Variants in DNM3 observed in about 807,000 individuals in gnomAD.
DNM3 encodes dynamin-3.
DNM3 carries 47 observed loss-of-function variants against 101.6 expected under a neutral mutation model. That is an observed-to-expected ratio of 0.46 (90% CI 0.37 to 0.59). The LOEUF (loss-of-function observed/expected upper bound fraction) is 0.59, where lower values mean the gene tolerates loss of function less well. Ranked by LOEUF, DNM3 falls within the 20% of genes least tolerant of loss-of-function variation. DNM3 has a pLI of 0.00. For missense variants in DNM3, 849 were observed against 1,085.7 expected, an observed-to-expected ratio of 0.78 and a Z score of 3.06; for synonymous variants, 385 against 387.9, an observed-to-expected ratio of 0.99 and a Z score of 0.09.
At chr1:172,324,501 A>G (rs539473724) in intron 17 of DNM3, among the ~76,000 whole-genome samples, 28 of 152,314 alleles carry the variant, frequency 1.8e-4, no homozygotes, top group African/African-American at 6.3e-4. Context: ...AATATATAAT[A>G]AAGTATTACC....
intron 14 of DNM3, chr1:172,136,840 A>G (rs2057258671): frequency 6.6e-6 from 1 of 152,160 alleles, no homozygotes. Context: ...ACCCTTTCCC[A>G]GAAGAGAAAA....
intron 14 of DNM3, among the ~76,000 whole-genome samples, chr1:172,189,220 G>C (rs2059622257): frequency 6.6e-6 from 1 of 151,898 alleles, no homozygotes; most frequent in Non-Finnish European, 1.5e-5. Flanking sequence ...TGATCTGTTT[G>C]CCTAGTTTTT....
At chr1:172,110,885 A>G (rs1195223704) in intron 13 of DNM3, among the ~76,000 whole-genome samples, 1 of 152,102 alleles carries the variant, frequency 6.6e-6, no homozygotes, top group Non-Finnish European at 1.5e-5. Context: ...AAGATACAAA[A>G]ATTAGCTGGA....
intron 4 of DNM3, among the ~76,000 whole-genome samples, chr1:172,027,442 G>A (rs904814655): frequency 6.6e-6 from 1 of 152,026 alleles, no homozygotes; most frequent in Non-Finnish European, 1.5e-5. Flanking sequence ...TTAGCTGGGC[G>A]TGGTGGCATG....
At chr1:171,860,579 C>T (rs1211246006) in intron 1 of DNM3, among the ~76,000 whole-genome samples, 1 of 151,904 alleles carries the variant, frequency 6.6e-6, no homozygotes, top group Non-Finnish European at 1.5e-5. Flanking sequence ...TTACATGGCT[C>T]ATATTATATT....
At chr1:172,291,381 T>C (rs10911504) in intron 15 of DNM3, among the ~76,000 whole-genome samples, 30,635 of 152,024 alleles carry the variant, frequency 0.2, 3,133 homozygotes, top group East Asian at 0.24. Context: ...ATAAAAGGAA[T>C]GAACACAGGG....
intron 1 of DNM3, among the ~76,000 whole-genome samples, chr1:171,867,070 G>T (rs2034824938): frequency 6.6e-6 from 1 of 152,234 alleles, no homozygotes; most frequent in African/African-American, 2.4e-5. Context: ...CACACATGGA[G>T]TTCAGCCTTT....
chr1:172,314,820 A>G (rs1277684319), intron 16 of DNM3, among the ~76,000 whole-genome samples: 1 of 152,206 alleles, frequency 6.6e-6, no homozygotes, highest in Non-Finnish European at 1.5e-5. Flanking sequence ...GGGCACAGAC[A>G]AACAAAAAGA....
At chr1:172,050,655 G>A (rs2050142883) in intron 10 of DNM3, among the ~76,000 whole-genome samples, 1 of 152,114 alleles carries the variant, frequency 6.6e-6, no homozygotes, top group Non-Finnish European at 1.5e-5. Flanking sequence ...GGATAGGTTT[G>A]GCATTCAAAT....
chr1:171,861,079 A>G (rs938473482), intron 1 of DNM3, among the ~76,000 whole-genome samples: 8 of 152,186 alleles, frequency 5.3e-5, no homozygotes, highest in African/African-American at 1.9e-4. Flanking sequence ...ACTATACAAC[A>G]TCATTGAAAG....
At chr1:171,956,654 G>T (rs562507764) in intron 2 of DNM3, among the ~76,000 whole-genome samples, 1 of 152,282 alleles carries the variant, frequency 6.6e-6, no homozygotes, top group African/African-American at 2.4e-5. Flanking sequence ...ACTAGGCAGT[G>T]CCCCAGTAAG....
intron 14 of DNM3, among the ~76,000 whole-genome samples, chr1:172,226,852 A>C (rs914867745): frequency 2.6e-5 from 4 of 152,186 alleles, no homozygotes; most frequent in Admixed American, 2.6e-4. Context: ...ACTAAAAATT[A>C]AAAATGGATT....
intron 13 of DNM3, among the ~76,000 whole-genome samples, chr1:172,105,827 T>C (rs556797398): frequency 6.6e-6 from 1 of 152,300 alleles, no homozygotes; most frequent in East Asian, 1.9e-4. Context: ...GAAATACTCA[T>C]GTTGTAATTT....
chr1:171,978,790 G>A (rs940607227), intron 2 of DNM3, among the ~76,000 whole-genome samples: 3 of 152,110 alleles, frequency 2.0e-5, no homozygotes, highest in African/African-American at 7.2e-5. Context: ...TGGCCATAGT[G>A]GAGGCAGTGA....
intron 2 of DNM3, among the ~76,000 whole-genome samples, chr1:171,947,848 C>T (rs572723636): frequency 2.0e-5 from 3 of 152,282 alleles, no homozygotes; most frequent in South Asian, 4.1e-4. Flanking sequence ...TGTTTAATAT[C>T]GCAAAGGTCT....
intron 9 of DNM3, among the ~76,000 whole-genome samples, chr1:172,045,535 C>T (rs1313515084): frequency 6.6e-6 from 1 of 152,142 alleles, no homozygotes; most frequent in African/African-American, 2.4e-5. Flanking sequence ...CTACCTCCTA[C>T]TACCATCACA....
chr1:171,929,616 C>G (rs569821288), intron 2 of DNM3, among the ~76,000 whole-genome samples: 3 of 151,724 alleles, frequency 2.0e-5, no homozygotes, highest in East Asian at 2.0e-4. Context: ...GCTTCCACCC[C>G]TAGTCAGCTT....
At chr1:172,158,577 A>G (rs1425341867) in intron 14 of DNM3, among the ~76,000 whole-genome samples, 1 of 151,988 alleles carries the variant, frequency 6.6e-6, no homozygotes, top group Non-Finnish European at 1.5e-5. Flanking sequence ...GAGGCCTTGA[A>G]ACCTAGGCAG....
chr1:171,909,451 A>G (rs1485445095), intron 1 of DNM3, among the ~76,000 whole-genome samples: 2 of 152,038 alleles, frequency 1.3e-5, no homozygotes, highest in Non-Finnish European at 2.9e-5. Flanking sequence ...AAAAAAAAAA[A>G]AAAAGTCAGA....
Sources: gnomAD v4.1 joint callset for allele counts (sites outside exome capture counted in the v4.1 genomes callset) on GRCh38, gnomAD v4.1.1 for gene constraint, MANE v1.5 for transcripts, NCBI Gene and HGNC (gene_info 2026-07-23, HGNC 2026-07-21) for gene names.